Variants in FBXO46 observed in about 807,000 individuals in gnomAD.
FBXO46 encodes the protein F-box only protein 46.
In FBXO46, 13 loss-of-function variants were observed where a neutral mutation model predicts 30.7. The ratio of observed to expected loss-of-function variants is 0.42; its 90% CI spans 0.28 to 0.67. FBXO46 has a LOEUF of 0.67. Among genes scored for constraint, FBXO46 ranks in the 30% least tolerant of loss-of-function variants. The pLI, the probability that FBXO46 is intolerant of heterozygous loss-of-function variation, is 0.21. For missense variants in FBXO46, 754 were observed against 871.5 expected, an observed-to-expected ratio of 0.87 and a Z score of 1.70; for synonymous variants, 467 against 385.8, an observed-to-expected ratio of 1.21 and a Z score of -2.47.
rs915453087 is a variant in FBXO46 at position 45,712,419 on chromosome 19, G to A, written c.1077C>T (p.Cys359=). ...CGTCCACGTGGAAGCCTGACGCTCC[G>A]CAGTCCCGGGCAGGGGGCGGAGGGG... ...PAPPPPPARD[C]GASGFHVDVV... Residue 359 remains cysteine (C), a synonymous_variant, in exon 2 of 2, where the codon TGC becomes TGT. Transcript: ENST00000317683. The surrounding 1 kb of genome is among the most constrained non-coding windows in gnomAD (Gnocchi z 8.8). 2 of 1,609,670 alleles carry A rather than the reference G, an allele frequency of 1.2e-6. No homozygotes were observed. Among genetic ancestry groups the A allele is most frequent in the African/African-American group, 2.7e-5 (2 of 75,044 alleles).
chr19:45,725,507 G>A (rs945536032), intron 1 of FBXO46, among the ~76,000 whole-genome samples: 3 of 151,968 alleles, frequency 2.0e-5, no homozygotes, highest in Admixed American at 6.6e-5. Flanking sequence ...TGGGCAGGTC[G>A]ACAGCTTGAG....
chr19:45,731,096 G>T (rs1216423568), upstream of FBXO46, among the ~76,000 whole-genome samples: 2 of 152,232 alleles, frequency 1.3e-5, no homozygotes, highest in Admixed American at 6.5e-5. Flanking sequence ...CAGCGCAAGC[G>T]CAGGGTGCTT....
rs1466190581 is a variant in FBXO46, at chr19:45,713,153, C to T, written c.343G>A (p.Ala115Thr). 6 of 1,613,524 alleles carry T rather than the reference C, an allele frequency of 3.7e-6. No homozygotes were observed. Among genetic ancestry groups the T allele is most frequent in the African/African-American group, 1.3e-5 (1 of 75,026 alleles). The change falls in exon 2 of 2, where the codon GCC becomes ACC. Residue 115 changes from alanine (A) to threonine (T), a missense_variant. Physicochemically the swap from Ala to Thr is moderately conservative, Grantham distance 58. Around this residue, in one of 5 missense-constraint regions of FBXO46, gnomAD observed 39 missense variants for 56.5 expected, o/e 0.69. Transcript: ENST00000317683. The surrounding 1 kb of genome is among the most constrained non-coding windows in gnomAD (Gnocchi z 4.7). ...TGCCCCTTGACCTTCATGGAGCTGG[C>T]CCGGCTGCCCCCACCACACTGGTGG... ...VAHQCGGGSR[A>T]SSMKVKGHWG...
At chr19:45,717,285 GGGA>G (rs1217537565) in intron 1 of FBXO46, 1 of 151,924 alleles carries the variant, frequency 6.6e-6, no homozygotes, top group Non-Finnish European at 1.5e-5. Context: ...CCCAGGCGGC[GGGA>G]GAAGGCTGCA....
upstream of FBXO46, among the ~76,000 whole-genome samples, chr19:45,731,611 G>A (rs945417427): frequency 6.7e-6 from 1 of 150,270 alleles, no homozygotes; most frequent in African/African-American, 2.4e-5. Context: ...CACCGCGCCC[G>A]GCCCGTCCCC....
chr19:45,712,940 C>T lies in FBXO46; in HGVS notation c.556G>A (p.Ala186Thr), dbSNP rs766384799. The part of the protein sequence containing the change: ...VALVEQRAAL[A>T]LQSYPRPTTP... ...GTCGGTCGTGGGTAGCTCTGCAGGG[C>T]CAGGGCTGCCCGCTGTTCCACCAGG... Residue 186 changes from alanine to threonine, a missense_variant, in exon 2 of 2, where the codon GCC (alanine) becomes ACC (threonine). Around this residue, in one of 5 missense-constraint regions of FBXO46, gnomAD observed 454 missense variants for 426.5 expected, o/e 1.06. Transcript: ENST00000317683. The surrounding 1 kb of genome is among the most constrained non-coding windows in gnomAD (Gnocchi z 8.8). 6 of 1,596,246 alleles carry T rather than the reference C, an allele frequency of 3.8e-6. No homozygotes were observed. Among genetic ancestry groups the T allele is most frequent in the Non-Finnish European group, 4.3e-6 (5 of 1,171,756 alleles).
chr19:45,718,073 G>A (rs1255124149), intron 1 of FBXO46, among the ~76,000 whole-genome samples: 1 of 152,136 alleles, frequency 6.6e-6, no homozygotes, highest in African/African-American at 2.4e-5. Context: ...AACCTGCCAT[G>A]GCTCCCCAGT....
Position 45,711,640 on chromosome 19 carries a change from G to T in FBXO46, c.*44C>A. Reference sequence around the variant, plus strand: ...GGACCCTCGGCTCCCGGGGGGAGAGGGGAGGGGTGGGCGTGGTGGGCTCTC... The same window carrying T: ...GGACCCTCGGCTCCCGGGGGGAGAGTGGAGGGGTGGGCGTGGTGGGCTCTC... On this transcript the variant is annotated 3_prime_UTR_variant, in exon 2 of 2. Coordinates refer to ENST00000317683, the MANE Select transcript of FBXO46 (RefSeq NM_001080469.2). 7.0e-7 allele frequency: 1 copy of T among 1,432,584 alleles called. No individual in the cohort carries two copies. Among genetic ancestry groups the T allele is most frequent in the Non-Finnish European group, 9.5e-7 (1 of 1,053,190 alleles). 88.7% of individuals were successfully genotyped at this position (1,432,584 alleles called of 1,614,324 possible).
chr19:45,711,667 C>A lies in FBXO46; in HGVS notation c.*17G>T, dbSNP rs1189601671. ...GAGGGGTGGGCGTGGTGGGCTCTCC[C>A]CTCCCCTCCCCCGGCTTCACCTCCC... On this transcript the variant is annotated 3_prime_UTR_variant, in exon 2 of 2. Coordinates refer to ENST00000317683, the MANE Select transcript of FBXO46 (RefSeq NM_001080469.2). 3 of 1,515,718 alleles carry A rather than the reference C, an allele frequency of 2.0e-6. No individual in the cohort carries two copies. The South Asian group carries it at 3.6e-5, about 18-fold the overall frequency. 93.9% of individuals were successfully genotyped at this position (1,515,718 alleles called of 1,614,324 possible). A position where few individuals can be genotyped will look rare whatever the true frequency, so the allele number is the denominator to read the frequency against.
rs1442259813 is a variant in FBXO46, at chr19:45,711,519, G to A, written c.*165C>T. 8.5e-6 allele frequency: 6 copies of A among 709,222 alleles called. No individual in the cohort carries two copies. In the African/African-American group the frequency reaches 1.0e-4, roughly 12 times the overall value. 43.9% of individuals were successfully genotyped at this position (709,222 alleles called of 1,614,324 possible). On this transcript the variant is annotated 3_prime_UTR_variant, in exon 2 of 2. Coordinates refer to ENST00000317683, the MANE Select transcript of FBXO46 (RefSeq NM_001080469.2). ...AGTAGAAAATCAACAGGATCAAGCAGAGGGCTTTCCTGGGTCACCCCTGCT... is the reference window on the plus strand; with the variant it reads ...AGTAGAAAATCAACAGGATCAAGCAAAGGGCTTTCCTGGGTCACCCCTGCT...
chr19:45,712,378 A>G lies in FBXO46; in HGVS notation c.1118T>C (p.Val373Ala). 6.2e-7 allele frequency: 1 copy of G among 1,604,284 alleles called. No individual in the cohort carries two copies. Among genetic ancestry groups the G allele is most frequent in the South Asian group, 1.1e-5 (1 of 91,080 alleles). ...GFHVDVVVTG[V>A]VDECIFFGKD... is the part of the protein sequence containing the mutation. ...GCCAAAGAAGATGCACTCATCTACC[A>G]CGCCCGTCACCACCACGTCCACGTG... Residue 373 changes from valine (V) to alanine (A), a missense_variant, in exon 2 of 2, where the codon GTG (valine) becomes GCG (alanine). This residue lies in a region of FBXO46 where 454 missense variants were observed against 426.5 expected (regional missense o/e 1.06). Transcript: ENST00000317683. This position sits in a 1 kb window ranked among gnomAD's most constrained non-coding sequence, Gnocchi z 8.8.
In FBXO46 at chr19:45,713,569, G is replaced by T; in HGVS notation, c.-74C>A. ...TAGGTGGTGGTGGGAGGCTCCACAT[G>T]CCACCTGGAGACACGAAGAGGAGGT... On this transcript the variant is annotated 5_prime_UTR_variant, in exon 2 of 2. Transcript: ENST00000317683. The surrounding 1 kb of genome is among the most constrained non-coding windows in gnomAD (Gnocchi z 4.7). 1 of 1,235,142 alleles carries T rather than the reference G, an allele frequency of 8.1e-7. No homozygotes were observed. Among genetic ancestry groups the T allele is most frequent in the Non-Finnish European group, 1.1e-6 (1 of 894,854 alleles). The allele number at this position is 1,235,142 out of a possible 1,614,324, so 76.5% of individuals were successfully genotyped here.
intron 1 of FBXO46, chr19:45,715,956 T>TA (rs2146149109): frequency 6.6e-6 from 1 of 152,228 alleles, no homozygotes; most frequent in Non-Finnish European, 1.5e-5. Flanking sequence ...CTCAAATACT[T>TA]ACAGTCCCTG....
At chr19:45,716,347 C>T (rs1021338015) in intron 1 of FBXO46, 3 of 152,236 alleles carry the variant, frequency 2.0e-5, no homozygotes, top group African/African-American at 7.2e-5. Flanking sequence ...CTGCTACAAC[C>T]TGGCCACCCC....
rs1014625506 is a variant in FBXO46 at position 45,713,650 on chromosome 19, C to T, written c.-78-77G>A. On this transcript the variant is annotated intron_variant, in intron 1 of 1. Transcript: ENST00000317683. This position sits in a 1 kb window ranked among gnomAD's most constrained non-coding sequence, Gnocchi z 4.7. ...AGGACCACCCCAACCTCCACCTCTCCTTAGACCAAACCAGACCATCAAGAA... is the reference window on the plus strand; with the variant it reads ...AGGACCACCCCAACCTCCACCTCTCTTTAGACCAAACCAGACCATCAAGAA... 3.2e-6 allele frequency: 2 copies of T among 626,374 alleles called. No homozygotes were observed. Among genetic ancestry groups the T allele is most frequent in the Non-Finnish European group, 2.8e-6 (1 of 357,882 alleles). The allele number at this position is 626,374 out of a possible 1,614,324, so 38.8% of individuals were successfully genotyped here. A position where few individuals can be genotyped will look rare whatever the true frequency, so the allele number is the denominator to read the frequency against.
Position 45,712,102 on chromosome 19 carries a change from C to T in FBXO46, c.1394G>A (p.Arg465Gln). 6.2e-7 allele frequency: 1 copy of T among 1,602,970 alleles called. No individual in the cohort carries two copies. Among genetic ancestry groups the T allele is most frequent in the Non-Finnish European group, 8.5e-7 (1 of 1,175,442 alleles). Residue 465 changes from arginine to glutamine, a missense_variant, in exon 2 of 2, where the codon CGG (arginine) becomes CAG (glutamine). Physicochemically the swap from Arg to Gln is conservative, Grantham distance 43. Around this residue, in one of 5 missense-constraint regions of FBXO46, gnomAD observed 162 missense variants for 258.7 expected, o/e 0.63. Coordinates refer to ENST00000317683, the MANE Select transcript of FBXO46 (RefSeq NM_001080469.2). This position sits in a 1 kb window ranked among gnomAD's most constrained non-coding sequence, Gnocchi z 8.8. ...DFLEIRFKIQ[R>Q]LLEPRQYMLL... is the part of the protein sequence containing the mutation. Reference sequence around the variant, plus strand: ...CATGTACTGTCGCGGCTCCAGCAGCCGCTGAATCTTGAAGCGGATCTCTAG... The same window carrying T: ...CATGTACTGTCGCGGCTCCAGCAGCTGCTGAATCTTGAAGCGGATCTCTAG...
Position 45,711,669 on chromosome 19 carries a change from T to G in FBXO46, c.*15A>C. On this transcript the variant is annotated 3_prime_UTR_variant, in exon 2 of 2. Coordinates refer to ENST00000317683, the MANE Select transcript of FBXO46 (RefSeq NM_001080469.2). ...GGGGTGGGCGTGGTGGGCTCTCCCC[T>G]CCCCTCCCCCGGCTTCACCTCCCCT... 2.1e-6 allele frequency: 3 copies of G among 1,437,188 alleles called. No individual in the cohort carries two copies. Among genetic ancestry groups the G allele is most frequent in the Non-Finnish European group, 2.8e-6 (3 of 1,059,766 alleles). 89.0% of individuals were successfully genotyped at this position (1,437,188 alleles called of 1,614,324 possible).
In FBXO46 at chr19:45,711,578, C is replaced by A. The variant is rs1318152362; in HGVS notation, c.*106G>T. On this transcript the variant is annotated 3_prime_UTR_variant, in exon 2 of 2. Coordinates refer to ENST00000317683, the MANE Select transcript of FBXO46 (RefSeq NM_001080469.2). ...GCTCAGTTCCGGTGAGGGATCAATG[C>A]TGCCTGGAGTAGGGGAATGGGCAGG... 5.7e-6 allele frequency: 5 copies of A among 884,788 alleles called. No homozygotes were observed. The highest frequency in any genetic ancestry group is 7.2e-6 in the Non-Finnish European group (4 of 552,586). 54.8% of individuals were successfully genotyped at this position (884,788 alleles called of 1,614,324 possible). A position where few individuals can be genotyped will look rare whatever the true frequency, so the allele number is the denominator to read the frequency against.
In FBXO46 at chr19:45,712,608, A is replaced by T. The variant is rs1968006460; in HGVS notation, c.888T>A (p.Pro296=). ...TGATCTTGTCCTTGGCTCGGGCCCC[A>T]GGACCTGGGCTGCCAGGGTAGGCAC... ...PGCAYPGSPG[P]GARAKDKITC... Residue 296 remains proline (P), a synonymous_variant, in exon 2 of 2, where the codon CCT becomes CCA. Transcript: ENST00000317683. This position sits in a 1 kb window ranked among gnomAD's most constrained non-coding sequence, Gnocchi z 8.8. 1 of 1,593,404 alleles carries T rather than the reference A, an allele frequency of 6.3e-7. No individual in the cohort carries two copies. The highest frequency in any genetic ancestry group is 8.6e-7 in the Non-Finnish European group (1 of 1,169,438).
Sources: allele counts gnomAD v4.1 joint callset (sites outside exome capture counted in the v4.1 genomes callset), GRCh38; gene constraint gnomAD v4.1.1; regional missense constraint gnomAD v4.1.1; non-coding constraint Gnocchi (gnomAD v3.1); transcripts MANE v1.5; gene names NCBI Gene and HGNC (gene_info 2026-07-23, HGNC 2026-07-21).